RAB8B: variants seen among roughly 807,000 people sequenced by gnomAD.
RAB8B encodes the protein RAB8B, member RAS oncogene family.
In RAB8B, 11 loss-of-function variants were observed where a neutral mutation model predicts 32.0. The ratio of observed to expected loss-of-function variants is 0.34; its 90% CI spans 0.22 to 0.57. The LOEUF is 0.57. RAB8B is among the 20% of genes least tolerant of loss of function. The pLI, the probability that RAB8B is intolerant of heterozygous loss-of-function variation, is 0.86. For synonymous variants in RAB8B, 103 were observed against 89.6 expected, an observed-to-expected ratio of 1.15 and a Z score of -0.85; for missense variants, 190 against 258.5, an observed-to-expected ratio of 0.73 and a Z score of 1.82.
At chr15:63,205,172 C>T (rs1302215661) in intron 1 of RAB8B, among the ~76,000 whole-genome samples, 7 of 152,072 alleles carry the variant, frequency 4.6e-5, no homozygotes, top group Admixed American at 1.3e-4. Flanking sequence ...TGATGGTGGG[C>T]ACCTGTAATC....
intron 1 of RAB8B, among the ~76,000 whole-genome samples, chr15:63,194,042 C>T (rs2037580805): frequency 6.6e-6 from 1 of 152,156 alleles, no homozygotes; most frequent in Non-Finnish European, 1.5e-5. Flanking sequence ...CTTGACAGGA[C>T]AATCAGAGCT....
intron 1 of RAB8B, among the ~76,000 whole-genome samples, chr15:63,208,156 C>G (rs770164433): frequency 2.0e-5 from 3 of 152,198 alleles, no homozygotes; most frequent in Non-Finnish European, 4.4e-5. Flanking sequence ...GCCTATCATT[C>G]CAAACTCCCT....
intron 1 of RAB8B, among the ~76,000 whole-genome samples, chr15:63,213,343 G>A (rs960652361): frequency 6.6e-6 from 1 of 152,186 alleles, no homozygotes; most frequent in Non-Finnish European, 1.5e-5. Flanking sequence ...TAGGGGTGCT[G>A]TTATAATGTA....
At chr15:63,246,821 C>G (rs967287822) in intron 2 of RAB8B, among the ~76,000 whole-genome samples, 2 of 152,184 alleles carry the variant, frequency 1.3e-5, no homozygotes, top group African/African-American at 4.8e-5. Context: ...TGGCAACCAG[C>G]CTCCTATCCT....
At chr15:63,233,521 C>T (rs2037953123) in intron 1 of RAB8B, among the ~76,000 whole-genome samples, 1 of 152,132 alleles carries the variant, frequency 6.6e-6, no homozygotes, top group African/African-American at 2.4e-5. Flanking sequence ...ATCCTAAAAT[C>T]AGCTACTCTA....
At chr15:63,253,023 C>T (rs2038129896) in intron 3 of RAB8B, among the ~76,000 whole-genome samples, 1 of 152,216 alleles carries the variant, frequency 6.6e-6, no homozygotes, top group South Asian at 2.1e-4. Context: ...GCTGGGATTA[C>T]AGGCGTGAGC....
intron 1 of RAB8B, among the ~76,000 whole-genome samples, chr15:63,197,645 A>G (rs1243918258): frequency 6.6e-6 from 1 of 152,102 alleles, no homozygotes; most frequent in Admixed American, 6.5e-5. Context: ...AAGTGTTAGC[A>G]TTACAGTGAG....
intron 1 of RAB8B, among the ~76,000 whole-genome samples, chr15:63,210,506 A>G (rs998105527): frequency 3.3e-5 from 5 of 152,256 alleles, no homozygotes; most frequent in African/African-American, 4.8e-5. Context: ...GTAGTGCCAC[A>G]GCTAGGCTTC....
intron 1 of RAB8B, among the ~76,000 whole-genome samples, chr15:63,241,160 T>C (rs938312098): frequency 6.6e-6 from 1 of 151,930 alleles, no homozygotes; most frequent in Non-Finnish European, 1.5e-5. Context: ...CTGGTCAACA[T>C]GGTGAAACCC....
rs1195413313 is a variant in RAB8B at position 63,265,512 on chromosome 15, A to G, written c.*1893A>G. 1 of 152,550 alleles carries G rather than the reference A, an allele frequency of 6.6e-6. No homozygotes were observed. The highest frequency in any genetic ancestry group is 1.5e-5 in the Non-Finnish European group (1 of 68,006). 9.4% of individuals were successfully genotyped at this position (152,550 alleles called of 1,614,324 possible). A position where few individuals can be genotyped will look rare whatever the true frequency, so the allele number is the denominator to read the frequency against. On this transcript the variant is annotated 3_prime_UTR_variant, in exon 8 of 8. Coordinates refer to ENST00000321437, the MANE Select transcript of RAB8B (RefSeq NM_016530.3). The surrounding 1 kb of genome is among the most constrained non-coding windows in gnomAD (Gnocchi z 4.9). ...AGATACATTTTCAAAAGGAAAAGAT[A>G]ATTTTTTAGAAACATCTTAATATTC...
chr15:63,203,243 T>A (rs2037668045), intron 1 of RAB8B, among the ~76,000 whole-genome samples: 1 of 152,210 alleles, frequency 6.6e-6, no homozygotes, highest in Admixed American at 6.5e-5. Flanking sequence ...TTATAACCAA[T>A]GGACTTACTG....
Position 63,262,705 on chromosome 15 carries a change from T to C in RAB8B, c.494T>C (p.Leu165Pro). 2 of 1,445,974 alleles carry C rather than the reference T, an allele frequency of 1.4e-6. No homozygotes were observed. The highest frequency in any genetic ancestry group is 1.8e-6 in the Non-Finnish European group (2 of 1,093,020). 89.6% of individuals were successfully genotyped at this position (1,445,974 alleles called of 1,614,324 possible). The change falls in exon 7 of 8, where the codon CTT becomes CCT. Residue 165 changes from leucine to proline, a missense_variant. Around this residue, in one of 2 missense-constraint regions of RAB8B, gnomAD observed 110 missense variants for 115.9 expected, o/e 0.95. Coordinates refer to ENST00000321437, the MANE Select transcript of RAB8B (RefSeq NM_016530.3). ...TTTTACCTATAGGCATTTTTTACAC[T>C]TGCACGAGATATAATGACAAAACTC... ...SANVEEAFFT[L>P]ARDIMTKLNR...
At chr15:63,233,372 A>G (rs2037952101) in intron 1 of RAB8B, among the ~76,000 whole-genome samples, 1 of 152,074 alleles carries the variant, frequency 6.6e-6, no homozygotes, top group Non-Finnish European at 1.5e-5. Flanking sequence ...TCTCAATCTA[A>G]GTAACATTCT....
At position 63,214,081 on chromosome 15, in the gene RAB8B, A is replaced by AG. The variant is rs1328689241; in HGVS notation, c.124+24337dup. Among the ~76,000 whole-genome samples the AG allele has an allele frequency of 5.7e-5, 8 of 141,142 alleles. No individual in the cohort carries two copies. The East Asian group carries it at 1.1e-3, about 19-fold the overall frequency. 92.6% of individuals were successfully genotyped at this position (141,142 alleles called of 152,430 possible). ...GGGTGACAGAGCGAGACTCTGTCTC[A>AG]GGGGAAAAAAAAAAGTGGTTTCGTT... is the stretch of plus-strand genomic sequence containing the variant. On this transcript the variant is annotated intron_variant, in intron 1 of 7. Coordinates refer to ENST00000321437, the MANE Select transcript of RAB8B (RefSeq NM_016530.3).
chr15:63,216,254 A>C (rs1398211209), intron 1 of RAB8B, among the ~76,000 whole-genome samples: 4 of 135,026 alleles, frequency 3.0e-5, no homozygotes, highest in Non-Finnish European at 6.2e-5. Context: ...TTGGAGACAG[A>C]GTCTTGCTCT....
intron 5 of RAB8B, 28 bp downstream of exon 5, chr15:63,256,622 T>C (rs1191871796): frequency 1.4e-6 from 2 of 1,456,130 alleles, no homozygotes; most frequent in Non-Finnish European, 1.9e-6. Flanking sequence ...GGATAAAGGT[T>C]GGAATCTACT....
chr15:63,198,753 CAA>C (rs2037623727), intron 1 of RAB8B, among the ~76,000 whole-genome samples: 2 of 152,236 alleles, frequency 1.3e-5, no homozygotes, highest in Non-Finnish European at 2.9e-5. Flanking sequence ...GATATATGGT[CAA>C]GTTTTAATGT....
At chr15:63,238,597 T>C in intron 1 of RAB8B, among the ~76,000 whole-genome samples, 1 of 152,210 alleles carries the variant, frequency 6.6e-6, no homozygotes, top group Non-Finnish European at 1.5e-5. Context: ...GTTTGTCCTT[T>C]CATATAGCTA....
At chr15:63,249,924 CAGG>C (rs1442392268) in intron 3 of RAB8B, among the ~76,000 whole-genome samples, 1 of 152,004 alleles carries the variant, frequency 6.6e-6, no homozygotes, top group East Asian at 1.9e-4. Context: ...ATCATGAGGT[CAGG>C]AGATCGAGAC....
Sources: gnomAD v4.1 joint callset for allele counts (sites outside exome capture counted in the v4.1 genomes callset) on GRCh38, gnomAD v4.1.1 for gene constraint, gnomAD v4.1.1 regional missense constraint, Gnocchi (gnomAD v3.1) non-coding constraint, MANE v1.5 for transcripts, NCBI Gene and HGNC (gene_info 2026-07-23, HGNC 2026-07-21) for gene names.